Variants in EXTL3 observed in about 807,000 individuals in gnomAD.
The protein encoded by EXTL3 is exostosin-like 3.
EXTL3 carries 27 observed loss-of-function variants against 69.3 expected under a neutral mutation model. The ratio of observed to expected loss-of-function variants is 0.39; its 90% CI spans 0.29 to 0.54. The LOEUF (loss-of-function observed/expected upper bound fraction) is 0.54, where lower values mean the gene tolerates loss of function less well. Ranked by LOEUF, EXTL3 falls within the 20% of genes least tolerant of loss-of-function variation. The pLI is 0.69. For missense variants in EXTL3, 1,003 were observed against 1,231.8 expected (o/e 0.81, Z 2.78); for synonymous variants, 511 against 499.4 (o/e 1.02, Z -0.31).
At chr8:28,668,865 C>CTCTTATTTTTTTT (rs1193812924) in intron 1 of EXTL3, among the ~76,000 whole-genome samples, 1,457 of 94,446 alleles carry the variant, frequency 0.015, 50 homozygotes, top group African/African-American at 0.063. Context: ...GATAGAATCT[C>CTCTTATTTTTTTT]TTTTTTTTTT....
intron 1 of EXTL3, among the ~76,000 whole-genome samples, chr8:28,665,993 G>A (rs1807190766): frequency 6.6e-6 from 1 of 152,150 alleles, no homozygotes; most frequent in Non-Finnish European, 1.5e-5. Context: ...GGCCTTCCTG[G>A]TGGCGTTTGA....
At chr8:28,613,898 C>T (rs532043459) in intron 2 of EXTL3, among the ~76,000 whole-genome samples, 5 of 151,480 alleles carry the variant, frequency 3.3e-5, no homozygotes, top group Admixed American at 1.3e-4. Flanking sequence ...TAGCTCACTG[C>T]GGCCTTGACC....
At chr8:28,742,927 C>T in intron 5 of EXTL3, 159 bp from the exon 6 acceptor site, 1 of 762,102 alleles carries the variant, frequency 1.3e-6, no homozygotes, top group Non-Finnish European at 2.3e-6. Context: ...ATCCACACGA[C>T]AGGATGTCTC....
intron 6 of EXTL3, among the ~76,000 whole-genome samples, chr8:28,747,559 A>G (rs1801912467): frequency 6.6e-6 from 1 of 152,198 alleles, no homozygotes; most frequent in African/African-American, 2.4e-5. Flanking sequence ...TTTAAAAATT[A>G]TTTGAGAAAA....
intron 3 of EXTL3, among the ~76,000 whole-genome samples, chr8:28,723,399 C>G (rs891974076): frequency 6.6e-6 from 1 of 152,122 alleles, no homozygotes; most frequent in African/African-American, 2.4e-5. Context: ...TTATATAAAA[C>G]AAGGCTACCC....
chr8:28,681,749 G>A (rs746969996), intron 1 of EXTL3, among the ~76,000 whole-genome samples: 1 of 151,734 alleles, frequency 6.6e-6, no homozygotes, highest in Non-Finnish European at 1.5e-5. Flanking sequence ...ATTGTGCCAT[G>A]TCCCATTCTT....
At position 28,685,495 on chromosome 8, in the gene EXTL3, C is replaced by T. The variant is rs146044676; in HGVS notation, c.-52-27962C>T. ...TTTAAAACATAGGCTAGTTGTTTGG[C>T]CCTGTTGTACAGGCTGGAGTGAAGT... On this transcript the variant is annotated intron_variant, in intron 1 of 6. Coordinates refer to the EXTL3 transcript ENST00000523149. Among the ~76,000 whole-genome samples the T allele has an allele frequency of 1.5e-3, 225 of 151,646 alleles. 4 individuals carry two copies. The East Asian group carries it at 0.043, about 29-fold the overall frequency.
At chr8:28,632,142 C>T (rs903138541) in intron 1 of EXTL3, among the ~76,000 whole-genome samples, 2 of 151,880 alleles carry the variant, frequency 1.3e-5, no homozygotes, top group African/African-American at 2.4e-5. Flanking sequence ...CGTGGTGGCT[C>T]ACGCCTGTAA....
chr8:28,656,564 A>G (rs1807014615), intron 1 of EXTL3, among the ~76,000 whole-genome samples: 1 of 151,960 alleles, frequency 6.6e-6, no homozygotes, highest in Non-Finnish European at 1.5e-5. Context: ...ATAAAGGGGG[A>G]AGTTTTTTGC....
In EXTL3 at chr8:28,660,491, CACAG is replaced by C. The variant is rs540999715; in HGVS notation, c.-53+37685_-53+37688del. Among the ~76,000 whole-genome samples the C allele has an allele frequency of 8.4e-3, 1,271 of 152,154 alleles. 17 individuals are homozygous for C. The highest frequency in any genetic ancestry group is 0.028 in the African/African-American group (1,179 of 41,488). ...AATTATATATATGTGTGTGTGTACA[CACAG>C]ACATATATATATACACATACACACA... On this transcript the variant is annotated intron_variant, in intron 1 of 6. Transcript: ENST00000523149.
At chr8:28,707,943 A>G (rs1348360051) in intron 1 of EXTL3, among the ~76,000 whole-genome samples, 1 of 152,238 alleles carries the variant, frequency 6.6e-6, no homozygotes, top group South Asian at 2.1e-4. Flanking sequence ...AAGTAAACAG[A>G]TAACTTGGAG....
At position 28,623,615 on chromosome 8, in the gene EXTL3, A is replaced by C. The variant is rs1048546668; in HGVS notation, c.-53+805A>C. Among the ~76,000 whole-genome samples the C allele has an allele frequency of 6.6e-6, 1 of 152,152 alleles. No homozygotes were observed. The highest frequency in any genetic ancestry group is 6.5e-5 in the Admixed American group (1 of 15,276). The stretch of plus-strand genomic sequence containing the variant: ...TAGACCCCATCTTTGCCTACTTTTC[A>C]AGGCTTGGCAAAGCACGTGTGTCTT... On this transcript the variant is annotated intron_variant, in intron 1 of 6. Coordinates refer to the EXTL3 transcript ENST00000523149. This position sits in a 1 kb window ranked among gnomAD's most constrained non-coding sequence, Gnocchi z 4.2.
At chr8:28,650,138 G>A (rs1209625853) in intron 1 of EXTL3, among the ~76,000 whole-genome samples, 1 of 148,744 alleles carries the variant, frequency 6.7e-6, no homozygotes, top group African/African-American at 2.5e-5. Context: ...GGAGGTTTCA[G>A]TGAGCCGAGA....
At chr8:28,633,624 ACT>A (rs1179632254) in intron 1 of EXTL3, among the ~76,000 whole-genome samples, 1 of 151,986 alleles carries the variant, frequency 6.6e-6, no homozygotes, top group Non-Finnish European at 1.5e-5. Flanking sequence ...ACAGAGCGAG[ACT>A]CTGTTTCAAA....
At chr8:28,711,457 A>G (rs976727775) in intron 1 of EXTL3, among the ~76,000 whole-genome samples, 1 of 150,214 alleles carries the variant, frequency 6.7e-6, no homozygotes, top group Non-Finnish European at 1.5e-5. Context: ...CCATGTTCCC[A>G]TTTTTTTTTC....
intron 1 of EXTL3, among the ~76,000 whole-genome samples, chr8:28,687,339 G>C (rs1018109876): frequency 6.6e-6 from 1 of 152,120 alleles, no homozygotes; most frequent in Non-Finnish European, 1.5e-5. Context: ...AGCGGCATGC[G>C]CCTGTAATCC....
chr8:28,736,090 A>G (rs1801646998), intron 4 of EXTL3, among the ~76,000 whole-genome samples: 1 of 152,176 alleles, frequency 6.6e-6, no homozygotes, highest in Non-Finnish European at 1.5e-5. Context: ...TGGTTGCACG[A>G]CACTGTGAAT....
chr8:28,718,795 A>G (rs1801226210), intron 3 of EXTL3, among the ~76,000 whole-genome samples: 1 of 152,164 alleles, frequency 6.6e-6, no homozygotes, highest in South Asian at 2.1e-4. Context: ...TTGGGGTTTG[A>G]TATTTTGGAG....
At chr8:28,660,224 T>A (rs1807084149) in intron 1 of EXTL3, among the ~76,000 whole-genome samples, 1 of 152,058 alleles carries the variant, frequency 6.6e-6, no homozygotes, top group Admixed American at 6.6e-5. Context: ...ATTAGCCCAG[T>A]GTAGTGGTGT....
Sources: allele counts gnomAD v4.1 joint callset (sites outside exome capture counted in the v4.1 genomes callset), GRCh38; gene constraint gnomAD v4.1.1; non-coding constraint Gnocchi (gnomAD v3.1); transcripts MANE v1.5; gene names NCBI Gene and HGNC (gene_info 2026-07-23, HGNC 2026-07-21).